PIK3C3: variants seen among roughly 807,000 people sequenced by gnomAD.
PIK3C3 encodes the protein phosphatidylinositol 3-kinase catalytic subunit type 3, also known as PI3-kinase type 3.
Under a neutral mutation model 126.1 loss-of-function variants are expected in PIK3C3, and 95 were observed. The observed-to-expected ratio is 0.75, with a 90% CI of 0.64 to 0.89. PIK3C3 has a LOEUF of 0.89. PIK3C3 is among the 40% of genes least tolerant of loss of function. The pLI is 0.00. For missense variants in PIK3C3, 829 were observed against 1,063.2 expected (o/e 0.78, Z 3.06); for synonymous variants, 374 against 360.0 (o/e 1.04, Z -0.44).
At chr18:42,048,758 A>G (rs1386489513) in intron 20 of PIK3C3, among the ~76,000 whole-genome samples, 2 of 152,198 alleles carry the variant, frequency 1.3e-5, no homozygotes, top group Admixed American at 6.5e-5. Flanking sequence ...AGGTGGTCCC[A>G]TCTTGTTTTT....
rs1986259665 is a variant in PIK3C3, at chr18:42,081,771, A to T, written c.*634A>T. Reference sequence around the variant, plus strand: ...TAATTTTTTGTAAACTACAGTTAATAGTTCTTCTAGCTTGTAAGTGTGTAA... The same window carrying T: ...TAATTTTTTGTAAACTACAGTTAATTGTTCTTCTAGCTTGTAAGTGTGTAA... On this transcript the variant is annotated 3_prime_UTR_variant, in exon 25 of 25. Transcript: ENST00000262039. The T allele has an allele frequency of 6.6e-6, 1 of 152,230 alleles. No individual in the cohort carries two copies. The highest frequency in any genetic ancestry group is 6.5e-5 in the Admixed American group (1 of 15,286). 9.4% of individuals were successfully genotyped at this position (152,230 alleles called of 1,614,324 possible).
At chr18:42,013,417 T>C (rs1396871635) in intron 10 of PIK3C3, 25 bp from the exon 11 acceptor site, 19 of 1,384,626 alleles carry the variant, frequency 1.4e-5, no homozygotes, top group Non-Finnish European at 1.9e-5. Flanking sequence ...TTCCTAATAT[T>C]ACTTTACTTT....
intron 19 of PIK3C3, among the ~76,000 whole-genome samples, chr18:42,042,973 C>G (rs1387086101): frequency 1.3e-5 from 2 of 152,080 alleles, no homozygotes; most frequent in Non-Finnish European, 2.9e-5. Context: ...CTTCCTGTGG[C>G]CCATGTTCCT....
intron 15 of PIK3C3, among the ~76,000 whole-genome samples, chr18:42,032,624 TTTTATTTATTTA>T (rs139558444): frequency 2.6e-3 from 378 of 144,054 alleles, no homozygotes; most frequent in Non-Finnish European, 4.0e-3. Context: ...TTTCTGGTTA[TTTTATTTATTTA>T]TTTATTTATT....
chr18:41,979,404 C>A (rs764618135), intron 4 of PIK3C3, among the ~76,000 whole-genome samples: 1 of 152,090 alleles, frequency 6.6e-6, no homozygotes, highest in Non-Finnish European at 1.5e-5. Flanking sequence ...TGCATGTTAT[C>A]TCTGAAAGAC....
At chr18:41,960,301 T>C (rs907284218) in intron 2 of PIK3C3, among the ~76,000 whole-genome samples, 3 of 152,240 alleles carry the variant, frequency 2.0e-5, no homozygotes, top group African/African-American at 4.8e-5. Flanking sequence ...CTAAGTTTTT[T>C]TCTTATGTGA....
rs1007930208 is a variant in PIK3C3 at position 42,085,982 on chromosome 18, G to A, written c.*4845G>A. 6.6e-6 allele frequency: 1 copy of A among 152,132 alleles called. No individual in the cohort carries two copies. Among genetic ancestry groups the A allele is most frequent in the Non-Finnish European group, 1.5e-5 (1 of 68,094 alleles). 9.4% of individuals were successfully genotyped at this position (152,132 alleles called of 1,614,324 possible). The stretch of plus-strand genomic sequence containing the variant: ...GTGCGTGCACAAAAATTAGCTGAGT[G>A]TGGTGGTTCACACTTGTAATCACAG... On this transcript the variant is annotated 3_prime_UTR_variant, in exon 25 of 25. Coordinates refer to ENST00000262039, the MANE Select transcript of PIK3C3 (RefSeq NM_002647.4).
chr18:42,063,416 A>C (rs1985403866), intron 22 of PIK3C3, among the ~76,000 whole-genome samples: 1 of 152,214 alleles, frequency 6.6e-6, no homozygotes, highest in African/African-American at 2.4e-5. Context: ...GTAGGAATGG[A>C]ATAACATCTG....
At chr18:42,035,881 A>G (rs1984028212) in intron 16 of PIK3C3, among the ~76,000 whole-genome samples, 1 of 152,156 alleles carries the variant, frequency 6.6e-6, no homozygotes, top group Non-Finnish European at 1.5e-5. Flanking sequence ...ACCTTAATGT[A>G]ACAGCCAAAG....
chr18:41,968,786 G>A (rs898419186), intron 3 of PIK3C3, among the ~76,000 whole-genome samples: 47 of 151,726 alleles, frequency 3.1e-4, no homozygotes, highest in African/African-American at 9.7e-4. Context: ...TATGTAAACC[G>A]TTAGCAGTTA....
intron 1 of PIK3C3, 148 bp downstream of exon 1, chr18:41,955,507 CGA>C: frequency 7.9e-6 from 5 of 636,164 alleles, no homozygotes; most frequent in Non-Finnish European, 1.4e-5. Context: ...CAGGGAGGCG[CGA>C]GAGAGTGGAT....
Position 41,972,379 on chromosome 18 carries a change from C to A in PIK3C3, c.531+1923C>A, listed in dbSNP as rs528000803. 4.6e-5 allele frequency among the ~76,000 whole-genome samples: 7 copies of A among 152,078 alleles called. No homozygotes were observed. In the South Asian group the frequency reaches 8.3e-4, roughly 18 times the overall value. Reference sequence around the variant, plus strand: ...AATTCCTTAGAGTAGCCAAGTGGATCCTACTTTTTCAAGAGATAGTTATTA... The same window carrying A: ...AATTCCTTAGAGTAGCCAAGTGGATACTACTTTTTCAAGAGATAGTTATTA... On this transcript the variant is annotated intron_variant, in intron 4 of 24. Transcript: ENST00000262039.
intron 9 of PIK3C3, among the ~76,000 whole-genome samples, chr18:41,998,922 TATG>T (rs1982151651): frequency 6.6e-6 from 1 of 152,162 alleles, no homozygotes; most frequent in Non-Finnish European, 1.5e-5. Flanking sequence ...TCTCAGAAAT[TATG>T]ATTTAGGTTA....
chr18:41,979,155 G>A (rs1041355358), intron 4 of PIK3C3, among the ~76,000 whole-genome samples: 2 of 151,278 alleles, frequency 1.3e-5, no homozygotes, highest in Non-Finnish European at 2.9e-5. Context: ...GCCCTTGGCT[G>A]ATGTCTGAGA....
chr18:42,036,740 A>G (rs1436941678), intron 16 of PIK3C3, among the ~76,000 whole-genome samples: 4 of 152,162 alleles, frequency 2.6e-5, no homozygotes, highest in African/African-American at 9.7e-5. Flanking sequence ...AATAAAAGAT[A>G]CAGATATTTG....
chr18:41,995,190 A>G (rs538716487), intron 7 of PIK3C3, among the ~76,000 whole-genome samples: 122 of 152,156 alleles, frequency 8.0e-4, no homozygotes, highest in Admixed American at 1.4e-3. Flanking sequence ...GCCAAAAGAC[A>G]GTTAACAAAC....
In PIK3C3 at chr18:41,975,435, A is replaced by G. The variant is rs1320173398; in HGVS notation, c.531+4979A>G. Among the ~76,000 whole-genome samples, 6 of 152,328 alleles carry G rather than the reference A, an allele frequency of 3.9e-5. No homozygotes were observed. In the East Asian group the frequency reaches 7.7e-4, roughly 20 times the overall value. On this transcript the variant is annotated intron_variant, in intron 4 of 24. Coordinates refer to ENST00000262039, the MANE Select transcript of PIK3C3 (RefSeq NM_002647.4). ...GGTGGCTACAAGATATCTATTGGAC[A>G]GTGCACATGTCGAACGTTTCTATTA...
intron 3 of PIK3C3, among the ~76,000 whole-genome samples, chr18:41,966,418 C>T (rs1980371979): frequency 6.6e-6 from 1 of 151,936 alleles, no homozygotes; most frequent in Non-Finnish European, 1.5e-5. Flanking sequence ...GATCCGCCTG[C>T]CTCGCCCTCC....
intron 9 of PIK3C3, among the ~76,000 whole-genome samples, chr18:42,000,600 G>A (rs1336188041): frequency 1.3e-5 from 2 of 151,996 alleles, no homozygotes; most frequent in African/African-American, 2.4e-5. Context: ...GTATTATTCC[G>A]CTTTCACACT....
Sources: allele counts gnomAD v4.1 joint callset (sites outside exome capture counted in the v4.1 genomes callset), GRCh38; gene constraint gnomAD v4.1.1; transcripts MANE v1.5; gene names NCBI Gene and HGNC (gene_info 2026-07-23, HGNC 2026-07-21).